Variants in ASH1L observed in about 807,000 individuals in gnomAD.
ASH1L encodes ASH1 like histone lysine methyltransferase.
ASH1L carries 23 observed loss-of-function variants against 269.0 expected under a neutral mutation model. The ratio of observed to expected loss-of-function variants is 0.09; its 90% CI spans 0.06 to 0.12. The LOEUF is 0.12. Ranked by LOEUF, ASH1L falls within the 10% of genes least tolerant of loss-of-function variation. ASH1L has a pLI of 1.00. For missense variants in ASH1L, 2,912 were observed against 3,567.8 expected (o/e 0.82, Z 4.68); for synonymous variants, 1,187 against 1,253.5 (o/e 0.95, Z 1.12).
At chr1:155,387,708 AAT>A (rs1344383484) in intron 7 of ASH1L, among the ~76,000 whole-genome samples, 5 of 152,162 alleles carry the variant, frequency 3.3e-5, no homozygotes, top group African/African-American at 1.2e-4. Context: ...AATAGCATTG[AAT>A]CTATAAATTG....
chr1:155,457,078 T>C (rs1203438998), intron 4 of ASH1L, among the ~76,000 whole-genome samples: 2 of 152,188 alleles, frequency 1.3e-5, no homozygotes, highest in Non-Finnish European at 2.9e-5. Context: ...GCCGGGGTCC[T>C]AGAGGGAAGG....
rs376722131 is a variant in ASH1L, at chr1:155,357,448, A to T, written c.6961-38T>A. 1.8e-5 allele frequency: 28 copies of T among 1,597,566 alleles called. No individual in the cohort carries two copies. The African/African-American group carries it at 2.8e-4, about 16-fold the overall frequency. The stretch of plus-strand genomic sequence containing the variant: ...TGGATCAGATTAGAGATTTAAAAAA[A>T]TATCAGTCAGAAATAATCTCCAAGA... On this transcript the variant is annotated intron_variant, in intron 14 of 27. Coordinates refer to ENST00000392403, the MANE Select transcript of ASH1L (RefSeq NM_018489.3).
rs746428900 is a variant in ASH1L at position 155,562,589 on chromosome 1, C to A, written c.-536G>T. On this transcript the variant is annotated 5_prime_UTR_variant, in exon 1 of 28. Transcript: ENST00000392403. ...GCTCCGCCCGACTCCGTCCGCGTAG[C>A]GCGCACGCCCGCCCGCACGCGTACG... The A allele has an allele frequency of 4.6e-6, 7 of 1,528,718 alleles. No homozygotes were observed. The South Asian group carries it at 8.4e-5, about 18-fold the overall frequency. 94.7% of individuals were successfully genotyped at this position (1,528,718 alleles called of 1,614,324 possible).
chr1:155,498,914 G>C (rs1399888523), intron 2 of ASH1L, among the ~76,000 whole-genome samples: 1 of 133,966 alleles, frequency 7.5e-6, no homozygotes, highest in South Asian at 2.3e-4. Context: ...CTGAGAACAG[G>C]AGTAAAAAAA....
intron 4 of ASH1L, among the ~76,000 whole-genome samples, chr1:155,458,068 T>C (rs1004117366): frequency 6.6e-6 from 1 of 152,178 alleles, no homozygotes; most frequent in Admixed American, 6.5e-5. Context: ...ATTTGGCCCA[T>C]AGGCTGAGTT....
intron 13 of ASH1L, among the ~76,000 whole-genome samples, chr1:155,359,046 G>A (rs1311505889): frequency 6.6e-6 from 1 of 152,164 alleles, no homozygotes; most frequent in Non-Finnish European, 1.5e-5. Context: ...CTTAAGCCCA[G>A]GAGATTAAGG....
chr1:155,433,232 G>A, intron 5 of ASH1L: 1 of 1,550,526 alleles, frequency 6.4e-7, no homozygotes, highest in Non-Finnish European at 8.7e-7. Context: ...TCCAGGCGGT[G>A]GAGGTGATGG....
intron 26 of ASH1L, among the ~76,000 whole-genome samples, chr1:155,338,777 G>T (rs1254969101): frequency 6.6e-6 from 1 of 152,082 alleles, no homozygotes; most frequent in Admixed American, 6.5e-5. Flanking sequence ...AAATTTTCGT[G>T]CTTCCCTTTT....
At chr1:155,557,637 C>A (rs1474285294) in intron 1 of ASH1L, among the ~76,000 whole-genome samples, 2 of 151,934 alleles carry the variant, frequency 1.3e-5, no homozygotes, top group African/African-American at 4.8e-5. Flanking sequence ...CAATTACAGG[C>A]CTGATGAGGC....
intron 12 of ASH1L, among the ~76,000 whole-genome samples, chr1:155,367,710 T>C (rs777147502): frequency 2.2e-4 from 33 of 152,202 alleles, no homozygotes; most frequent in Non-Finnish European, 3.7e-4. Context: ...AGACAATATA[T>C]GATTTTTTGT....
At chr1:155,369,369 C>A (rs1444757852) in intron 12 of ASH1L, among the ~76,000 whole-genome samples, 2 of 152,010 alleles carry the variant, frequency 1.3e-5, no homozygotes, top group African/African-American at 4.8e-5. Context: ...GTGGCATGAA[C>A]CCAGGAGGCA....
rs369290145 is a variant in ASH1L, at chr1:155,349,300, A to T, written c.7554+27T>A. The T allele has an allele frequency of 9.2e-5, 147 of 1,595,874 alleles. No individual in the cohort carries two copies. In the African/African-American group the frequency reaches 1.9e-3, roughly 20 times the overall value. ...AATTCTTTTCAGAACAAACTTGTGA[A>T]ATCTGTTTGAAGTCAGTGAAAAATA... On this transcript the variant is annotated intron_variant, in intron 19 of 27. Coordinates refer to ENST00000392403, the MANE Select transcript of ASH1L (RefSeq NM_018489.3).
At chr1:155,487,622 A>T (rs1166132338) in intron 2 of ASH1L, among the ~76,000 whole-genome samples, 2 of 152,052 alleles carry the variant, frequency 1.3e-5, no homozygotes, top group Non-Finnish European at 2.9e-5. Context: ...CCGGGGCTCA[A>T]GTGATTTTCC....
chr1:155,339,225 C>G (rs1328304724), intron 26 of ASH1L, 103 bp downstream of exon 26: 1 of 1,037,972 alleles, frequency 9.6e-7, no homozygotes, highest in African/African-American at 1.6e-5. Context: ...CAGAGAATAC[C>G]CAGTCCTAGA....
Position 155,338,171 on chromosome 1 carries a change from G to A in ASH1L, c.8721C>T (p.Thr2907=), listed in dbSNP as rs749167323. 1.2e-6 allele frequency: 2 copies of A among 1,613,980 alleles called. No homozygotes were observed. Among genetic ancestry groups the A allele is most frequent in the Admixed American group, 3.3e-5 (2 of 59,994 alleles). Residue 2907 remains threonine (T), a synonymous_variant, in exon 27 of 28, where the codon ACC becomes ACT. Coordinates refer to ENST00000392403, the MANE Select transcript of ASH1L (RefSeq NM_018489.3). ...GTTGGTTATGCCGTCGTTCCTCAGG[G>A]GTACAGGTTGACTGGGGTTCTTGAC... ...ESSQEPQSTC[T]PEERRHNQRE... is the part of the protein sequence containing the mutation.
intron 1 of ASH1L, among the ~76,000 whole-genome samples, chr1:155,540,355 C>T (rs2148887589): frequency 6.6e-6 from 1 of 152,292 alleles, no homozygotes; most frequent in East Asian, 1.9e-4. Context: ...GTACTTAGAA[C>T]AGCACTTCAC....
At chr1:155,518,051 C>T (rs1055530658) in intron 2 of ASH1L, among the ~76,000 whole-genome samples, 1 of 152,006 alleles carries the variant, frequency 6.6e-6, no homozygotes, top group South Asian at 2.1e-4. Context: ...CCGCCCGCCT[C>T]GGCCTCCCAA....
chr1:155,359,423 T>G (rs953063642), intron 13 of ASH1L, among the ~76,000 whole-genome samples: 2 of 150,032 alleles, frequency 1.3e-5, no homozygotes, highest in African/African-American at 4.9e-5. Context: ...ACTACAAGCA[T>G]GTAACACCAT....
intron 12 of ASH1L, among the ~76,000 whole-genome samples, chr1:155,361,926 C>CT (rs1350162799): frequency 6.7e-6 from 1 of 149,282 alleles, no homozygotes; most frequent in Non-Finnish European, 1.5e-5. Context: ...GTTAAAATTA[C>CT]TTTTTATGGC....
Sources: gnomAD v4.1 joint callset for allele counts (sites outside exome capture counted in the v4.1 genomes callset) on GRCh38, gnomAD v4.1.1 for gene constraint, MANE v1.5 for transcripts, NCBI Gene and HGNC (gene_info 2026-07-23, HGNC 2026-07-21) for gene names.